Variants in MSH5 observed in about 807,000 individuals in gnomAD.
MSH5 encodes mutS homolog 5, also known as mutS protein homolog 5.
A neutral mutation model predicts 107.7 loss-of-function variants in MSH5; 78 were observed. That is an observed-to-expected ratio of 0.72 (90% CI 0.60 to 0.87). MSH5 has a LOEUF of 0.87. Ranked by LOEUF, MSH5 falls within the 40% of genes least tolerant of loss-of-function variation. MSH5 has a pLI of 0.00. For synonymous variants in MSH5, 326 were observed against 399.5 expected, an observed-to-expected ratio of 0.82 and a Z score of 2.19; for missense variants, 889 against 1,046.6, an observed-to-expected ratio of 0.85 and a Z score of 2.08.
At chr6:31,745,121 A>G in intron 8 of MSH5, 116 bp from the exon 9 acceptor site, 1 of 640,258 alleles carries the variant, frequency 1.6e-6, no homozygotes, top group South Asian at 1.8e-5. Flanking sequence ...AAAAAAAAAA[A>G]AAAAAGACGT....
intron 3 of MSH5, among the ~76,000 whole-genome samples, chr6:31,742,192 C>A (rs28745895): frequency 0.027 from 4,111 of 152,142 alleles, 151 homozygotes; most frequent in Non-Finnish European, 0.028. Context: ...ACAGAGGCTC[C>A]CTCTTTTGTT....
At position 31,743,239 on chromosome 6, in the gene MSH5, T is replaced by G. The variant is rs977855529; in HGVS notation, c.415+69T>G. The G allele has an allele frequency of 1.1e-5, 16 of 1,497,456 alleles. No individual in the cohort carries two copies. In the East Asian group the frequency reaches 2.9e-4, roughly 27 times the overall value. 92.8% of individuals were successfully genotyped at this position (1,497,456 alleles called of 1,614,324 possible). A position where few individuals can be genotyped will look rare whatever the true frequency, so the allele number is the denominator to read the frequency against. On this transcript the variant is annotated intron_variant, in intron 5 of 24. Coordinates refer to ENST00000375750, the MANE Select transcript of MSH5 (RefSeq NM_172166.4). ...CCCATTCTTTCCCCCAACTCTACCTTCATCATCACAGATCTCCCCTCTGCC... is the reference window on the plus strand; with the variant it reads ...CCCATTCTTTCCCCCAACTCTACCTGCATCATCACAGATCTCCCCTCTGCC...
intron 10 of MSH5, among the ~76,000 whole-genome samples, chr6:31,747,671 A>G (rs998908898): frequency 1.3e-5 from 2 of 152,098 alleles, no homozygotes; most frequent in African/African-American, 4.8e-5. Context: ...ATACCCATTG[A>G]TGATACACAG....
Position 31,753,448 on chromosome 6 carries a change from A to G in MSH5, c.951+9A>G, listed in dbSNP as rs1476933167. 5 of 1,612,422 alleles carry G rather than the reference A, an allele frequency of 3.1e-6. No individual in the cohort carries two copies. The highest frequency in any genetic ancestry group is 4.2e-6 in the Non-Finnish European group (5 of 1,178,854). On this transcript the variant is annotated intron_variant, in intron 11 of 24. Coordinates refer to ENST00000375750, the MANE Select transcript of MSH5 (RefSeq NM_172166.4). The stretch of plus-strand genomic sequence containing the variant: ...ACATCAAGAACGTGCCTGTGAGCCC[A>G]GGGTGGAGGGCAGGGAGGTGGGGAA...
At chr6:31,744,696 C>G (rs1035964661) in intron 8 of MSH5, 115 bp downstream of exon 8, 1 of 1,152,006 alleles carries the variant, frequency 8.7e-7, no homozygotes. Context: ...TAAGATCTCT[C>G]TCCTTGAAGG....
intron 8 of MSH5, 60 bp from the exon 9 acceptor site, chr6:31,745,177 C>A: frequency 1.0e-6 from 1 of 963,918 alleles, no homozygotes. Context: ...TATCAGTCCT[C>A]AATTCTTATT....
At chr6:31,745,721 C>G (rs1056492242) in intron 9 of MSH5, among the ~76,000 whole-genome samples, 2 of 151,206 alleles carry the variant, frequency 1.3e-5, no homozygotes, top group Admixed American at 6.6e-5. Context: ...GGGACATCTC[C>G]GCAAATATCC....
At chr6:31,753,836 C>CG in intron 12 of MSH5, 1 of 518,580 alleles carries the variant, frequency 1.9e-6, no homozygotes, top group Non-Finnish European at 3.5e-6. Flanking sequence ...TCAAGCAATT[C>CG]TGCCTCAGCC....
In MSH5 at chr6:31,761,353, G is replaced by A; in HGVS notation, c.2037+91G>A. The stretch of plus-strand genomic sequence containing the variant: ...GACAGTGAGGCTGGGCCTCTGGAAT[G>A]GAATAGGGCTGTGTGGGCAGAAAAG... On this transcript the variant is annotated intron_variant, in intron 21 of 24. Transcript: ENST00000375750. This position sits in a 1 kb window ranked among gnomAD's most constrained non-coding sequence, Gnocchi z 5.3. The A allele has an allele frequency of 1.2e-6, 2 of 1,604,072 alleles. No individual in the cohort carries two copies. Among genetic ancestry groups the A allele is most frequent in the Admixed American group, 1.7e-5 (1 of 59,724 alleles).
chr6:31,749,620 T>C (rs1581531406), intron 10 of MSH5, among the ~76,000 whole-genome samples: 2 of 152,020 alleles, frequency 1.3e-5, no homozygotes, highest in African/African-American at 4.8e-5. Context: ...CTGTAAGGAG[T>C]TGATGTGCAC....
Position 31,740,384 on chromosome 6 carries a change from C to T in MSH5, c.-13-70C>T. Reference sequence around the variant, plus strand: ...GAAGTACTTAGTGCTTTGCATTCTGCGCGCCACCCTACCCCGGCCTCCTCT... The same window carrying T: ...GAAGTACTTAGTGCTTTGCATTCTGTGCGCCACCCTACCCCGGCCTCCTCT... On this transcript the variant is annotated intron_variant, in intron 1 of 24. Transcript: ENST00000375750. This position sits in a 1 kb window ranked among gnomAD's most constrained non-coding sequence, Gnocchi z 4.4. 2.0e-6 allele frequency: 3 copies of T among 1,491,698 alleles called. No individual in the cohort carries two copies. The highest frequency in any genetic ancestry group is 1.3e-5 in the South Asian group (1 of 79,300). 92.4% of individuals were successfully genotyped at this position (1,491,698 alleles called of 1,614,324 possible).
chr6:31,743,897 C>G lies in MSH5; in HGVS notation c.416-7C>G. Reference sequence around the variant, plus strand: ...GACCGTTCCCTTTGCTTGCCTCCCTCAAATAGGTCTGGAGATAAGCAAACA... The same window carrying G: ...GACCGTTCCCTTTGCTTGCCTCCCTGAAATAGGTCTGGAGATAAGCAAACA... On this transcript the variant is annotated splice_region_variant and splice_polypyrimidine_tract_variant and intron_variant, in intron 5 of 24. Transcript: ENST00000375750. 6.2e-7 allele frequency: 1 copy of G among 1,612,702 alleles called. No individual in the cohort carries two copies. The highest frequency in any genetic ancestry group is 1.1e-5 in the South Asian group (1 of 91,020).
At chr6:31,753,224 A>C (rs1271974797) in intron 10 of MSH5, 77 bp from the exon 11 acceptor site, 3 of 1,528,674 alleles carry the variant, frequency 2.0e-6, no homozygotes, top group Non-Finnish European at 2.7e-6. Flanking sequence ...CAGGGACTGC[A>C]AGCACACTTT....
Position 31,753,607 on chromosome 6 carries a change from G to GT in MSH5, c.992_993insT (p.Asp332ArgfsTer38). ...ATGAAGTTGTCCCACACCAAGGTCA[G>GT]CGACTGGCAGGTTCTCTACAAGGTA... On this transcript the variant is annotated frameshift_variant, in exon 12 of 25. Coordinates refer to ENST00000375750, the MANE Select transcript of MSH5 (RefSeq NM_172166.4). LOFTEE classifies it high-confidence loss of function. 1 of 1,614,154 alleles carries GT rather than the reference G, an allele frequency of 6.2e-7. No homozygotes were observed. The highest frequency in any genetic ancestry group is 8.5e-7 in the Non-Finnish European group (1 of 1,180,020).
chr6:31,743,940 A>G lies in MSH5; in HGVS notation c.452A>G (p.Asn151Ser). 1 of 1,613,532 alleles carries G rather than the reference A, an allele frequency of 6.2e-7. No homozygotes were observed. Among genetic ancestry groups the G allele is most frequent in the Non-Finnish European group, 8.5e-7 (1 of 1,180,024 alleles). Residue 151 changes from asparagine (N) to serine (S), a missense_variant, in exon 6 of 25, where the codon AAC becomes AGC. By Grantham distance (46) the Asn-to-Ser change is conservative. Transcript: ENST00000375750. ...AGCAAACAACGCCTCCTTTCTGGAA[A>G]CTACTCCTTCATCCCAGACGCCATG... ...EISKQRLLSG[N>S]YSFIPDAMTA...
rs550919395 is a variant in MSH5, at chr6:31,760,066, G to A, written c.1686-24G>A. On this transcript the variant is annotated intron_variant, in intron 18 of 24. Coordinates refer to ENST00000375750, the MANE Select transcript of MSH5 (RefSeq NM_172166.4). This position sits in a 1 kb window ranked among gnomAD's most constrained non-coding sequence, Gnocchi z 5.6. ...ATCTATCTTGATCCACAAGCCATGCGAGGTGCCTCTCCGCCCACTGCAGAC... is the reference window on the plus strand; with the variant it reads ...ATCTATCTTGATCCACAAGCCATGCAAGGTGCCTCTCCGCCCACTGCAGAC... The A allele has an allele frequency of 1.5e-5, 24 of 1,602,934 alleles. No homozygotes were observed. Among genetic ancestry groups the A allele is most frequent in the Admixed American group, 1.7e-5 (1 of 59,434 alleles).
At position 31,760,841 on chromosome 6, in the gene MSH5, T is replaced by TCAAAGGGAA; in HGVS notation, c.1962+11_1962+19dup. On this transcript the variant is annotated splice_region_variant and intron_variant, in intron 20 of 24. Transcript: ENST00000375750. The surrounding 1 kb of genome is among the most constrained non-coding windows in gnomAD (Gnocchi z 5.6). ...ACCTTCATGATCGACCTCAACCAGG[T>TCAAAGGGAA]CAAAGGGAACAAAGGGAGGTGGGAT... The TCAAAGGGAA allele has an allele frequency of 6.2e-7, 1 of 1,611,890 alleles. No individual in the cohort carries two copies. Among genetic ancestry groups the TCAAAGGGAA allele is most frequent in the South Asian group, 1.1e-5 (1 of 90,976 alleles).
rs1808704225 is a variant in MSH5, at chr6:31,740,160, C to T, written c.-14+98C>T. The T allele has an allele frequency of 6.8e-6, 2 of 295,612 alleles. No homozygotes were observed. Among genetic ancestry groups the T allele is most frequent in the Non-Finnish European group, 1.2e-5 (2 of 160,102 alleles). 18.3% of individuals were successfully genotyped at this position (295,612 alleles called of 1,614,324 possible). A position where few individuals can be genotyped will look rare whatever the true frequency, so the allele number is the denominator to read the frequency against. On this transcript the variant is annotated intron_variant, in intron 1 of 24. Transcript: ENST00000375750. This position sits in a 1 kb window ranked among gnomAD's most constrained non-coding sequence, Gnocchi z 4.4. ...GGTCCTGGCGCGTGGTTGGCAGAGG[C>T]AGAGACATAAGACGTGCACGACTCG...
chr6:31,751,824 C>T (rs1809984256), intron 10 of MSH5, among the ~76,000 whole-genome samples: 1 of 151,914 alleles, frequency 6.6e-6, no homozygotes, highest in African/African-American at 2.4e-5. Context: ...AATGGCCAGG[C>T]GCAGTAGCTC....
Sources: allele counts gnomAD v4.1 joint callset (sites outside exome capture counted in the v4.1 genomes callset), GRCh38; gene constraint gnomAD v4.1.1; non-coding constraint Gnocchi (gnomAD v3.1); transcripts MANE v1.5; gene names NCBI Gene and HGNC (gene_info 2026-07-23, HGNC 2026-07-21).